The following ZMYND11 variants were observed in gnomAD, a reference collection of about 807,000 sequenced individuals.
The protein encoded by ZMYND11 is zinc finger MYND domain-containing protein 11.
In ZMYND11, 9 loss-of-function variants were observed where a neutral mutation model predicts 84.9. That is an observed-to-expected ratio of 0.11 (90% CI 0.06 to 0.18). The LOEUF (loss-of-function observed/expected upper bound fraction) is 0.18. Among genes scored for constraint, ZMYND11 ranks in the 10% least tolerant of loss-of-function variants. The pLI is 1.00. For missense variants in ZMYND11, 409 were observed against 761.0 expected, an observed-to-expected ratio of 0.54 and a Z score of 5.44; for synonymous variants, 250 against 244.1, an observed-to-expected ratio of 1.02 and a Z score of -0.23.
intron 1 of ZMYND11, among the ~76,000 whole-genome samples, chr10:143,322 A>G (rs1554754391): frequency 6.6e-6 from 1 of 152,088 alleles, no homozygotes; most frequent in African/African-American, 2.4e-5. Context: ...AGCTCTCGCA[A>G]CTTTTGAAAG....
intron 3 of ZMYND11, chr10:218,364 C>T: frequency 5.4e-6 from 1 of 185,498 alleles, no homozygotes; most frequent in South Asian, 1.2e-4. Context: ...ACAGTTTGGC[C>T]CTGTGTGAAA....
chr10:203,860 A>C (rs908439532), intron 2 of ZMYND11, among the ~76,000 whole-genome samples: 2 of 152,204 alleles, frequency 1.3e-5, no homozygotes, highest in Non-Finnish European at 2.9e-5. Flanking sequence ...GTGTTTTGAA[A>C]AATAGTAGTG....
rs777087319 is a variant in ZMYND11, at chr10:237,704, T to C, written c.609+27T>C. ...TAAAGTCGGTTTCTTTTATTTCCAC[T>C]TCAAGTACATTTTCTTAACTAACAA... On this transcript the variant is annotated intron_variant, in intron 6 of 14. Coordinates refer to ENST00000381604, the MANE Select transcript of ZMYND11 (RefSeq NM_001370100.5). The C allele has an allele frequency of 2.2e-5, 34 of 1,542,340 alleles. No homozygotes were observed. In the African/African-American group the frequency reaches 4.7e-4, roughly 21 times the overall value.
At chr10:227,644 T>C (rs566840107) in intron 4 of ZMYND11, among the ~76,000 whole-genome samples, 72 of 152,354 alleles carry the variant, frequency 4.7e-4, no homozygotes, top group Non-Finnish European at 9.1e-4. Flanking sequence ...CAGTACAGTC[T>C]TTTTAAATTC....
At chr10:189,234 C>T (rs1008249470) in intron 2 of ZMYND11, among the ~76,000 whole-genome samples, 3 of 152,206 alleles carry the variant, frequency 2.0e-5, no homozygotes, top group South Asian at 4.1e-4. Flanking sequence ...GTCCTCATCA[C>T]GTGCAGGTTG....
At position 252,423 on chromosome 10, in the gene ZMYND11, G is replaced by C; in HGVS notation, c.1762G>C (p.Glu588Gln). Residue 588 changes from glutamate to glutamine, a missense_variant, in exon 15 of 15, where the codon GAG becomes CAG. Around this residue, in one of 7 missense-constraint regions of ZMYND11, gnomAD observed 16 missense variants for 57.7 expected, o/e 0.28. Coordinates refer to ENST00000381604, the MANE Select transcript of ZMYND11 (RefSeq NM_001370100.5). The surrounding 1 kb of genome is among the most constrained non-coding windows in gnomAD (Gnocchi z 4.6). ...CTACTGCTCCATCAAGTGCCAGCAG[G>C]AGCACTGGCACGCGGAGCACAAGCG... is the stretch of plus-strand genomic sequence containing the variant. ...TSYCSIKCQQ[E>Q]HWHAEHKRTC... The C allele has an allele frequency of 6.2e-7, 1 of 1,613,772 alleles. No individual in the cohort carries two copies. Among genetic ancestry groups the C allele is most frequent in the Non-Finnish European group, 8.5e-7 (1 of 1,180,016 alleles).
At chr10:169,613 A>G (rs1844806531) in intron 1 of ZMYND11, among the ~76,000 whole-genome samples, 2 of 152,174 alleles carry the variant, frequency 1.3e-5, no homozygotes, top group Admixed American at 6.6e-5. Flanking sequence ...GGAATCAAGA[A>G]GTGCGAGAGA....
rs750035118 is a variant in ZMYND11, at chr10:209,999, C to T, written c.227C>T (p.Ser76Leu). The change falls in exon 3 of 15, where the codon TCA becomes TTA. Residue 76 changes from serine (S) to leucine (L), a missense_variant. Coordinates refer to ENST00000381604, the MANE Select transcript of ZMYND11 (RefSeq NM_001370100.5). Reference sequence around the variant, plus strand: ...ACTCTAACAGTGGGCTGCAAAGGTTCAAAAGCTGGTATTGAACAAGAAGGA... The same window carrying T: ...ACTCTAACAGTGGGCTGCAAAGGTTTAAAAGCTGGTATTGAACAAGAAGGA... The part of the protein sequence containing the change: ...VETLTVGCKG[S>L]KAGIEQEGYW... The T allele has an allele frequency of 6.2e-7, 1 of 1,614,048 alleles. No homozygotes were observed. Among genetic ancestry groups the T allele is most frequent in the Non-Finnish European group, 8.5e-7 (1 of 1,179,976 alleles).
At chr10:199,365 G>A (rs1942588848) in intron 2 of ZMYND11, among the ~76,000 whole-genome samples, 1 of 143,772 alleles carries the variant, frequency 7.0e-6, no homozygotes. Flanking sequence ...TTCTGTGTAT[G>A]CATGTACGTA....
At chr10:240,799 T>C in intron 8 of ZMYND11, 94 bp from the exon 9 acceptor site, 1 of 956,746 alleles carries the variant, frequency 1.0e-6, no homozygotes, top group Non-Finnish European at 1.6e-6. Context: ...ACACTATTTA[T>C]ATACGTGAAT....
intron 2 of ZMYND11, among the ~76,000 whole-genome samples, chr10:206,861 C>T (rs1042886890): frequency 2.0e-5 from 3 of 151,654 alleles, no homozygotes; most frequent in Non-Finnish European, 2.9e-5. Flanking sequence ...TATTATTATA[C>T]TTTAAGTTTT....
At position 194,543 on chromosome 10, in the gene ZMYND11, A is replaced by G. The variant is rs117925880; in HGVS notation, c.116+14415A>G. Among the ~76,000 whole-genome samples, 142 of 152,350 alleles carry G rather than the reference A, an allele frequency of 9.3e-4. 3 individuals carry two copies. In the East Asian group the frequency reaches 0.018, roughly 20 times the overall value. On this transcript the variant is annotated intron_variant, in intron 2 of 14. Coordinates refer to ENST00000381604, the MANE Select transcript of ZMYND11 (RefSeq NM_001370100.5). ...TGTTTTACATTTCCAGCTGCAATCT[A>G]TGAGAGTTCCAAATTTTCCACTTTC...
chr10:146,221 C>A (rs782091654), intron 1 of ZMYND11, among the ~76,000 whole-genome samples: 12 of 152,120 alleles, frequency 7.9e-5, no homozygotes, highest in Non-Finnish European at 1.8e-4. Context: ...GTTCTCTATT[C>A]TTTTCCATTC....
chr10:213,274 C>A (rs1275403708), intron 3 of ZMYND11, among the ~76,000 whole-genome samples: 1 of 152,138 alleles, frequency 6.6e-6, no homozygotes, highest in African/African-American at 2.4e-5. Context: ...TATGGAAGGG[C>A]CACCTTTTCT....
At chr10:208,308 A>G (rs1331945780) in intron 2 of ZMYND11, among the ~76,000 whole-genome samples, 1 of 152,216 alleles carries the variant, frequency 6.6e-6, no homozygotes, top group Non-Finnish European at 1.5e-5. Context: ...GGATCTAATT[A>G]AAGAGCTTCT....
intron 10 of ZMYND11, among the ~76,000 whole-genome samples, chr10:242,567 G>A (rs10903739): frequency 0.62 from 94,691 of 151,994 alleles, 29,823 homozygotes; most frequent in Middle Eastern, 0.72. Context: ...TACCTGAAGC[G>A]TGCGTGGAAA....
chr10:209,360 CTGAT>C (rs1053975981), intron 2 of ZMYND11, among the ~76,000 whole-genome samples: 27 of 152,188 alleles, frequency 1.8e-4, no homozygotes, highest in African/African-American at 6.5e-4. Flanking sequence ...TTTTGCCTGA[CTGAT>C]CACAACATGC....
At chr10:132,873 T>G (rs560233186), upstream of ZMYND11, among the ~76,000 whole-genome samples, 177 of 152,288 alleles carry the variant, frequency 1.2e-3, 1 homozygote, top group African/African-American at 3.9e-3. Flanking sequence ...CAGGGCTCAG[T>G]GGCACCCGCT....
In ZMYND11 at chr10:221,191, G is replaced by T; in HGVS notation, c.277-4G>T. ...ATACAAAACTATTTTGTACTTTTTT[G>T]TAGGACTGGGAAACAGAAAATCATG... is the stretch of plus-strand genomic sequence containing the variant. On this transcript the variant is annotated splice_polypyrimidine_tract_variant and splice_region_variant and intron_variant, in intron 3 of 14. Transcript: ENST00000381604. 1 of 1,611,758 alleles carries T rather than the reference G, an allele frequency of 6.2e-7. No homozygotes were observed. Among genetic ancestry groups the T allele is most frequent in the Admixed American group, 1.7e-5 (1 of 59,628 alleles).
Sources: allele counts gnomAD v4.1 joint callset (sites outside exome capture counted in the v4.1 genomes callset), GRCh38; gene constraint gnomAD v4.1.1; regional missense constraint gnomAD v4.1.1; non-coding constraint Gnocchi (gnomAD v3.1); transcripts MANE v1.5; gene names NCBI Gene and HGNC (gene_info 2026-07-23, HGNC 2026-07-21).